The following CCDC148 variants were observed in gnomAD, a reference collection of about 807,000 sequenced individuals.
The protein encoded by CCDC148 is coiled-coil domain containing 148, also known as coiled-coil domain-containing protein 148.
In CCDC148, 89 loss-of-function variants were observed where a neutral mutation model predicts 85.7. That is an observed-to-expected ratio of 1.04 (90% confidence interval 0.87 to 1.24). The LOEUF is 1.24. Ranked by LOEUF, CCDC148 falls within the 50% of genes most tolerant of loss-of-function variation. The pLI is 0.00. For synonymous variants in CCDC148, 230 were observed against 213.9 expected, an observed-to-expected ratio of 1.08 and a Z score of -0.66; for missense variants, 692 against 671.7, an observed-to-expected ratio of 1.03 and a Z score of -0.33.
intron 11 of CCDC148, among the ~76,000 whole-genome samples, chr2:158,199,226 C>T (rs1212422014): frequency 6.6e-6 from 1 of 152,000 alleles, no homozygotes; most frequent in East Asian, 1.9e-4. Context: ...TTTGATATTG[C>T]TTTTTTAAAT....
intron 10 of CCDC148, among the ~76,000 whole-genome samples, chr2:158,226,345 G>C (rs1687522352): frequency 6.6e-6 from 1 of 152,174 alleles, no homozygotes; most frequent in South Asian, 2.1e-4. Context: ...TCCAGGACCA[G>C]ATGGATTCAC....
intron 1 of CCDC148, among the ~76,000 whole-genome samples, chr2:158,412,865 ATTATACTTT>A (rs1413367836): frequency 2.7e-5 from 3 of 113,054 alleles, no homozygotes; most frequent in African/African-American, 1.0e-4. Context: ...TATTATTATT[ATTATACTTT>A]AAGTTTTAGG....
At chr2:158,333,487 T>A (rs1256994239) in intron 7 of CCDC148, among the ~76,000 whole-genome samples, 1 of 152,156 alleles carries the variant, frequency 6.6e-6, no homozygotes, top group Non-Finnish European at 1.5e-5. Context: ...AGAGAACGCA[T>A]ATTTTGTTGA....
intron 11 of CCDC148, among the ~76,000 whole-genome samples, chr2:158,189,803 A>AT (rs1360729317): frequency 6.6e-6 from 1 of 151,980 alleles, no homozygotes; most frequent in Non-Finnish European, 1.5e-5. Context: ...CTTGTCTACT[A>AT]GACTGTATAC....
intron 1 of CCDC148, among the ~76,000 whole-genome samples, chr2:158,436,978 ATAAT>A (rs1422814477): frequency 2.1e-4 from 32 of 152,342 alleles, no homozygotes; most frequent in African/African-American, 6.5e-4. Flanking sequence ...AATTGAGGCA[ATAAT>A]TAATAGCTTA....
chr2:158,306,880 G>A (rs571035704), intron 9 of CCDC148, among the ~76,000 whole-genome samples: 10 of 150,774 alleles, frequency 6.6e-5, no homozygotes, highest in South Asian at 6.3e-4. Context: ...TCAGCCAGGC[G>A]TGGTTGCAGG....
chr2:158,319,826 A>G (rs16842873), intron 7 of CCDC148, among the ~76,000 whole-genome samples: 6,336 of 152,222 alleles, frequency 0.042, 222 homozygotes, highest in African/African-American at 0.09. Context: ...AGTGATGAAT[A>G]CTCTGCAGCT....
At chr2:158,443,594 A>C (rs1236105224) in intron 1 of CCDC148, among the ~76,000 whole-genome samples, 2 of 152,174 alleles carry the variant, frequency 1.3e-5, no homozygotes, top group African/African-American at 2.4e-5. Flanking sequence ...GAAAACCAAC[A>C]AGGGGATGAA....
chr2:158,367,050 T>C (rs1684236520), intron 1 of CCDC148, among the ~76,000 whole-genome samples: 1 of 152,130 alleles, frequency 6.6e-6, no homozygotes, highest in African/African-American at 2.4e-5. Context: ...CCAGTTATTT[T>C]AATCTGCTTT....
At chr2:158,221,937 G>T (rs1161311748) in intron 10 of CCDC148, among the ~76,000 whole-genome samples, 1 of 152,098 alleles carries the variant, frequency 6.6e-6, no homozygotes, top group Non-Finnish European at 1.5e-5. Context: ...GATTGACAAG[G>T]AGTGTTCTAG....
chr2:158,260,354 G>A (rs183811285), intron 9 of CCDC148, among the ~76,000 whole-genome samples: 7 of 151,954 alleles, frequency 4.6e-5, no homozygotes, highest in Admixed American at 4.6e-4. Flanking sequence ...TATTGAATGA[G>A]CATAACTCAA....
At chr2:158,363,333 A>T (rs1276451697) in intron 1 of CCDC148, among the ~76,000 whole-genome samples, 1 of 152,228 alleles carries the variant, frequency 6.6e-6, no homozygotes, top group African/African-American at 2.4e-5. Flanking sequence ...CATCATCCTG[A>T]TACCAAAACC....
chr2:158,406,142 AT>A (rs1464590452), intron 1 of CCDC148, among the ~76,000 whole-genome samples: 1 of 152,096 alleles, frequency 6.6e-6, no homozygotes, highest in African/African-American at 2.4e-5. Context: ...TCCTACCCAG[AT>A]TCACATTGAC....
intron 1 of CCDC148, among the ~76,000 whole-genome samples, chr2:158,435,943 T>C (rs1331328720): frequency 6.6e-6 from 1 of 152,166 alleles, no homozygotes; most frequent in Admixed American, 6.5e-5. Context: ...TAAATATATA[T>C]GCACCCAATA....
chr2:158,386,403 C>G (rs7601393), intron 1 of CCDC148, among the ~76,000 whole-genome samples: 9,616 of 152,142 alleles, frequency 0.063, 601 homozygotes, highest in African/African-American at 0.16. Flanking sequence ...AATTAGTCTA[C>G]TTTAACACCT....
intron 11 of CCDC148, among the ~76,000 whole-genome samples, chr2:158,210,023 G>A (rs932451487): frequency 1.4e-4 from 21 of 152,110 alleles, no homozygotes; most frequent in African/African-American, 4.8e-4. Context: ...TGGCAAATTG[G>A]ATAAAGAGTC....
At chr2:158,288,284 C>G (rs891586882) in intron 9 of CCDC148, among the ~76,000 whole-genome samples, 2 of 152,336 alleles carry the variant, frequency 1.3e-5, no homozygotes, top group Admixed American at 1.3e-4. Flanking sequence ...CCTTGTTACT[C>G]ATGCAAATTT....
chr2:158,415,934 G>T (rs1375957390), intron 1 of CCDC148, among the ~76,000 whole-genome samples: 1 of 152,214 alleles, frequency 6.6e-6, no homozygotes, highest in African/African-American at 2.4e-5. Context: ...CCTAGTGGAG[G>T]TTCTCCATGA....
rs1471244982 is a variant in CCDC148, at chr2:158,184,552, GAATT to G, written c.1371-5560_1371-5557del. Among the ~76,000 whole-genome samples, 5 of 152,216 alleles carry G rather than the reference GAATT, an allele frequency of 3.3e-5. No individual in the cohort carries two copies. The South Asian group carries it at 8.3e-4, about 25-fold the overall frequency. Reference sequence around the variant, plus strand: ...CACAAAATTGTTCTTAATAGTTTTTGAATTTATTCATAAACTTCCAAATTACAGA... The same window carrying G: ...CACAAAATTGTTCTTAATAGTTTTTGTATTCATAAACTTCCAAATTACAGA... On this transcript the variant is annotated intron_variant, in intron 11 of 13. Transcript: ENST00000283233.
Sources: gnomAD v4.1 joint callset for allele counts (sites outside exome capture counted in the v4.1 genomes callset) on GRCh38, gnomAD v4.1.1 for gene constraint, MANE v1.5 for transcripts, NCBI Gene and HGNC (gene_info 2026-07-23, HGNC 2026-07-21) for gene names.